Variants in GALR1 observed in about 807,000 individuals in gnomAD.
GALR1 encodes the protein galanin receptor 1.
A neutral mutation model predicts 17.9 loss-of-function variants in GALR1; 11 were observed. The ratio of observed to expected loss-of-function variants is 0.62; its 90% CI spans 0.39 to 1.02. The LOEUF (loss-of-function observed/expected upper bound fraction) is 1.02. GALR1 is among the 50% of genes least tolerant of loss of function. The pLI, the probability that GALR1 is intolerant of heterozygous loss-of-function variation, is 0.01. For synonymous variants in GALR1, 206 were observed against 205.7 expected (o/e 1.00, Z -0.01); for missense variants, 441 against 456.9 (o/e 0.97, Z 0.32).
In GALR1 at chr18:77,251,187, C is replaced by T; in HGVS notation, c.639C>T (p.Leu213=). ...CTFVFGYLLP[L]LLICFCYAKV... ...TCGTCTTCGGCTACCTGCTGCCGCT[C>T]CTGCTCATCTGCTTCTGCTATGCCA... is the stretch of plus-strand genomic sequence containing the variant. Residue 213 remains leucine, a synonymous_variant, in exon 1 of 3, where the codon CTC becomes CTT. Coordinates refer to ENST00000299727, the MANE Select transcript of GALR1 (RefSeq NM_001480.4). 6.2e-7 allele frequency: 1 copy of T among 1,609,478 alleles called. No homozygotes were observed. The highest frequency in any genetic ancestry group is 8.5e-7 in the Non-Finnish European group (1 of 1,177,054).
chr18:77,252,869 CCACCACCACCAT>C (rs763632113), intron 1 of GALR1, among the ~76,000 whole-genome samples: 1,563 of 97,950 alleles, frequency 0.016, 31 homozygotes, highest in Admixed American at 0.023. Context: ...ACCACCACCA[CCACCACCACCAT>C]CACCACCACC....
intron 2 of GALR1, among the ~76,000 whole-genome samples, chr18:77,263,267 C>A (rs186125529): frequency 4.6e-5 from 7 of 152,280 alleles, no homozygotes; most frequent in Admixed American, 3.9e-4. Flanking sequence ...TGATAGAAGG[C>A]ACTCCCTTAA....
chr18:77,262,537 C>T (rs1372664142), intron 2 of GALR1, among the ~76,000 whole-genome samples: 4 of 152,160 alleles, frequency 2.6e-5, no homozygotes, highest in South Asian at 2.1e-4. Context: ...GTCATTGCTA[C>T]GACTGAATTG....
At chr18:77,253,977 G>A (rs978873575) in intron 1 of GALR1, 1 of 152,240 alleles carries the variant, frequency 6.6e-6, no homozygotes, top group Non-Finnish European at 1.5e-5. Flanking sequence ...CTGCTGCTAT[G>A]GAGCTGTTCT....
Position 77,271,272 on chromosome 18 carries a change from A to C in GALR1, c.*2370A>C, listed in dbSNP as rs1913060847. On this transcript the variant is annotated 3_prime_UTR_variant, in exon 3 of 3. Coordinates refer to ENST00000299727, the MANE Select transcript of GALR1 (RefSeq NM_001480.4). ...CCCCCCCCCCCCCGCCACTTTGCTA[A>C]ATGTAAATGCTAATTGTTGCATTTT... 1 of 133,514 alleles carries C rather than the reference A, an allele frequency of 7.5e-6. No individual in the cohort carries two copies. Among genetic ancestry groups the C allele is most frequent in the African/African-American group, 2.7e-5 (1 of 37,354 alleles). The allele number at this position is 133,514 out of a possible 1,614,324, so 8.3% of individuals were successfully genotyped here. A position where few individuals can be genotyped will look rare whatever the true frequency, so the allele number is the denominator to read the frequency against.
At chr18:77,257,515 G>A (rs1255527200) in intron 2 of GALR1, among the ~76,000 whole-genome samples, 2 of 152,220 alleles carry the variant, frequency 1.3e-5, no homozygotes, top group Non-Finnish European at 2.9e-5. Flanking sequence ...AACCCTGTAA[G>A]TTGGTGCTTT....
rs956532979 is a variant in GALR1, at chr18:77,250,275, C to A, written c.-274C>A. ...CGGGCGGAGGCGCCCGGGAAGGGGA[C>A]CCCAGTGCTCTCGAGATCACCGTCC... On this transcript the variant is annotated 5_prime_UTR_variant, in exon 1 of 3. Transcript: ENST00000299727. Among the ~76,000 whole-genome samples the A allele has an allele frequency of 4.6e-5, 7 of 152,188 alleles. No homozygotes were observed. The highest frequency in any genetic ancestry group is 1.7e-4 in the African/African-American group (7 of 41,460).
intron 1 of GALR1, among the ~76,000 whole-genome samples, chr18:77,254,171 T>A (rs1912532067): frequency 6.6e-6 from 1 of 152,194 alleles, no homozygotes; most frequent in Non-Finnish European, 1.5e-5. Context: ...CTCAGAAATT[T>A]ACAGACTCAC....
At position 77,251,110 on chromosome 18, in the gene GALR1, TGGGAGCAGTGGCC is replaced by T; in HGVS notation, c.563_575del (p.Trp188SerfsTer40). ...GCGCGCCAGCAACCAGACCTTCTGC[TGGGAGCAGTGGCC>T]CGACCCTCGCCACAAGAAGGCCTAC... On this transcript the variant is annotated frameshift_variant, in exon 1 of 3. Coordinates refer to ENST00000299727, the MANE Select transcript of GALR1 (RefSeq NM_001480.4). LOFTEE classifies it high-confidence loss of function. The T allele has an allele frequency of 6.2e-7, 1 of 1,612,706 alleles. No homozygotes were observed. Among genetic ancestry groups the T allele is most frequent in the Non-Finnish European group, 8.5e-7 (1 of 1,179,934 alleles).
At chr18:77,258,713 G>GTGA (rs1912679551) in intron 2 of GALR1, among the ~76,000 whole-genome samples, 1 of 59,432 alleles carries the variant, frequency 1.7e-5, no homozygotes, top group African/African-American at 5.6e-5. Flanking sequence ...TGTGATGGTG[G>GTGA]TGCTGGTGAT....
intron 2 of GALR1, among the ~76,000 whole-genome samples, chr18:77,258,851 G>GTGGTGGTGGTGA (rs1912701828): frequency 7.8e-6 from 1 of 127,960 alleles, no homozygotes; most frequent in Non-Finnish European, 1.7e-5. Context: ...GATGGTGGTG[G>GTGGTGGTGGTGA]TGATGGTGGT....
Position 77,269,699 on chromosome 18 carries a change from T to A in GALR1, c.*797T>A, listed in dbSNP as rs932403328. On this transcript the variant is annotated 3_prime_UTR_variant, in exon 3 of 3. Coordinates refer to ENST00000299727, the MANE Select transcript of GALR1 (RefSeq NM_001480.4). ...AGAATAAAACTGGATTTTGAAATTT[T>A]ACATTAGTACTTGACAAAAGTTTTC... The A allele has an allele frequency of 6.6e-6, 1 of 152,248 alleles. No individual in the cohort carries two copies. Among genetic ancestry groups the A allele is most frequent in the Admixed American group, 6.5e-5 (1 of 15,280 alleles). The allele number at this position is 152,248 out of a possible 1,614,324, so 9.4% of individuals were successfully genotyped here.
rs1012282563 is a variant in GALR1 at position 77,270,089 on chromosome 18, G to A, written c.*1187G>A. 2 of 152,172 alleles carry A rather than the reference G, an allele frequency of 1.3e-5. No homozygotes were observed. Among genetic ancestry groups the A allele is most frequent in the Non-Finnish European group, 2.9e-5 (2 of 68,034 alleles). 9.4% of individuals were successfully genotyped at this position (152,172 alleles called of 1,614,324 possible). A position where few individuals can be genotyped will look rare whatever the true frequency, so the allele number is the denominator to read the frequency against. ...TTTCATGACAATTTTATATTGATGT[G>A]TGTTTACAATGAGAAAATGGCATGA... On this transcript the variant is annotated 3_prime_UTR_variant, in exon 3 of 3. Coordinates refer to ENST00000299727, the MANE Select transcript of GALR1 (RefSeq NM_001480.4).
chr18:77,268,845 TAAAG>T lies in GALR1; in HGVS notation c.998_1001del (p.Glu333ValfsTer5). ...GCAAAGATTCACACCTGAGTGATAC[TAAAG>T]AAAGTAAAAGTCGAATAGACACCCC... is the stretch of plus-strand genomic sequence containing the variant. On this transcript the variant is annotated frameshift_variant, in exon 3 of 3. Transcript: ENST00000299727. LOFTEE classifies it high-confidence loss of function. The T allele has an allele frequency of 6.2e-7, 1 of 1,613,654 alleles. No individual in the cohort carries two copies. Among genetic ancestry groups the T allele is most frequent in the African/African-American group, 1.3e-5 (1 of 75,036 alleles).
chr18:77,258,993 G>C (rs1429333619), intron 2 of GALR1, among the ~76,000 whole-genome samples: 2 of 113,074 alleles, frequency 1.8e-5, no homozygotes, highest in African/African-American at 6.7e-5. Flanking sequence ...GGTGGATGGT[G>C]GTGGTGGTCA....
intron 1 of GALR1, among the ~76,000 whole-genome samples, chr18:77,255,196 G>C (rs1006886750): frequency 2.0e-5 from 3 of 152,186 alleles, no homozygotes; most frequent in Non-Finnish European, 4.4e-5. Flanking sequence ...ATTTTCTCTA[G>C]ATTTTTCCCT....
chr18:77,252,980 T>TCACCACCACCAC (rs1912494442), intron 1 of GALR1, among the ~76,000 whole-genome samples: 2 of 23,036 alleles, frequency 8.7e-5, no homozygotes, highest in Admixed American at 4.6e-4. Context: ...ATCACCACCA[T>TCACCACCACCAC]CACCACCATC....
chr18:77,261,164 A>T (rs1315226608), intron 2 of GALR1, among the ~76,000 whole-genome samples: 1 of 152,212 alleles, frequency 6.6e-6, no homozygotes, highest in Non-Finnish European at 1.5e-5. Context: ...ATTTTTTCAG[A>T]TACTTTCAGC....
chr18:77,250,900 T>C lies in GALR1; in HGVS notation c.352T>C (p.Ser118Pro), dbSNP rs1206905037. Reference protein sequence around the residue: ...CKFIHYFFTVSMLVSIFTLAA... With the variant: ...CKFIHYFFTVPMLVSIFTLAA... ...GTTCATCCACTACTTCTTCACCGTG[T>C]CCATGCTGGTGAGCATCTTCACCCT... The change falls in exon 1 of 3, where the codon TCC becomes CCC. Residue 118 changes from serine to proline, a missense_variant. Transcript: ENST00000299727. The C allele has an allele frequency of 1.2e-6, 2 of 1,607,434 alleles. No individual in the cohort carries two copies. The highest frequency in any genetic ancestry group is 1.1e-5 in the South Asian group (1 of 91,086).
Sources: allele counts gnomAD v4.1 joint callset (sites outside exome capture counted in the v4.1 genomes callset), GRCh38; gene constraint gnomAD v4.1.1; transcripts MANE v1.5; gene names NCBI Gene and HGNC (gene_info 2026-07-23, HGNC 2026-07-21).